The following DOK6 variants were observed in gnomAD, a reference collection of about 807,000 sequenced individuals.
DOK6 encodes the protein docking protein 6, also known as downstream of tyrosine kinase 6.
Under a neutral mutation model 44.0 loss-of-function variants are expected in DOK6, and 22 were observed. The observed-to-expected ratio is 0.50, with a 90% CI of 0.36 to 0.71. The LOEUF (loss-of-function observed/expected upper bound fraction) is 0.71, where lower values mean the gene tolerates loss of function less well. Among genes scored for constraint, DOK6 ranks in the 30% least tolerant of loss-of-function variants. The pLI, the probability that DOK6 is intolerant of heterozygous loss-of-function variation, is 0.00. For synonymous variants in DOK6, 166 were observed against 145.5 expected (o/e 1.14, Z -1.01); for missense variants, 340 against 416.4 (o/e 0.82, Z 1.60).
intron 1 of DOK6, chr18:69,483,849 G>A (rs1980499758): frequency 6.6e-6 from 1 of 152,050 alleles, no homozygotes; most frequent in Admixed American, 6.6e-5. Flanking sequence ...TTCTCATACT[G>A]GTTGTGGCAT....
chr18:69,495,678 G>A (rs1980863756), intron 1 of DOK6, among the ~76,000 whole-genome samples: 1 of 152,230 alleles, frequency 6.6e-6, no homozygotes, highest in Admixed American at 6.5e-5. Context: ...CAGCCTGAAA[G>A]TAGGCTTGGA....
At chr18:69,707,636 G>C (rs1360595924) in intron 5 of DOK6, among the ~76,000 whole-genome samples, 1 of 152,126 alleles carries the variant, frequency 6.6e-6, no homozygotes, top group Admixed American at 6.5e-5. Flanking sequence ...ACTCATGCTA[G>C]TCCACTCTGA....
At chr18:69,404,728 C>T (rs1161975917) in intron 1 of DOK6, among the ~76,000 whole-genome samples, 1 of 151,994 alleles carries the variant, frequency 6.6e-6, no homozygotes, top group African/African-American at 2.4e-5. Flanking sequence ...TACTCAAACT[C>T]AGGTGAGAGA....
At chr18:69,605,362 C>T (rs1983971390) in intron 3 of DOK6, among the ~76,000 whole-genome samples, 1 of 152,210 alleles carries the variant, frequency 6.6e-6, no homozygotes. Context: ...GTACTTTGAA[C>T]CTCAGCACAT....
chr18:69,834,601 T>C (rs1760279313), intron 7 of DOK6, among the ~76,000 whole-genome samples: 1 of 152,206 alleles, frequency 6.6e-6, no homozygotes, highest in Non-Finnish European at 1.5e-5. Context: ...ACTTGATCAT[T>C]ACACATTCTA....
chr18:69,793,510 T>C (rs1456686137), intron 7 of DOK6, among the ~76,000 whole-genome samples: 1 of 152,182 alleles, frequency 6.6e-6, no homozygotes, highest in Non-Finnish European at 1.5e-5. Context: ...TTTACATGTG[T>C]AATTATGGTT....
chr18:69,477,707 G>T (rs1239775486), intron 1 of DOK6, among the ~76,000 whole-genome samples: 1 of 152,110 alleles, frequency 6.6e-6, no homozygotes, highest in African/African-American at 2.4e-5. Context: ...AAATGTCAAA[G>T]AAAAATTTTT....
At chr18:69,721,520 A>C (rs1224426474) in intron 5 of DOK6, 1 of 152,254 alleles carries the variant, frequency 6.6e-6, no homozygotes, top group Non-Finnish European at 1.5e-5. Context: ...AAACAAAATT[A>C]TAAGTTTAAT....
At chr18:69,792,036 G>T (rs1181930711) in intron 7 of DOK6, among the ~76,000 whole-genome samples, 1 of 151,878 alleles carries the variant, frequency 6.6e-6, no homozygotes, top group Non-Finnish European at 1.5e-5. Flanking sequence ...TGTTCCTGGT[G>T]ACTTTGTCAA....
At chr18:69,820,306 C>G (rs1323901792) in intron 7 of DOK6, among the ~76,000 whole-genome samples, 4 of 152,136 alleles carry the variant, frequency 2.6e-5, no homozygotes, top group African/African-American at 9.7e-5. Context: ...GCATTTTCTG[C>G]TACATAGATT....
intron 4 of DOK6, among the ~76,000 whole-genome samples, chr18:69,683,133 G>A (rs1271666128): frequency 6.6e-6 from 1 of 151,756 alleles, no homozygotes; most frequent in East Asian, 1.9e-4. Context: ...TTTTATCTAT[G>A]GGATGACCCT....
Position 69,512,063 on chromosome 18 carries a change from G to A in DOK6, c.67-52424G>A, listed in dbSNP as rs201284546. 1.6e-3 allele frequency among the ~76,000 whole-genome samples: 249 copies of A among 151,712 alleles called. 1 individual carries two copies. Among genetic ancestry groups the A allele is most frequent in the African/African-American group, 5.7e-3 (235 of 41,346 alleles). On this transcript the variant is annotated intron_variant, in intron 1 of 7. Transcript: ENST00000382713. ...TAGTGGATTTCAGTTGTTTTTTCCT[G>A]TTCATCATCGCCCCATCCCCCCACA...
chr18:69,712,439 T>TG (rs1180169625), intron 5 of DOK6, among the ~76,000 whole-genome samples: 3 of 151,344 alleles, frequency 2.0e-5, no homozygotes, highest in African/African-American at 7.3e-5. Flanking sequence ...AATTTACAAC[T>TG]CAGAATAAAA....
chr18:69,596,526 T>A (rs1315309726), intron 2 of DOK6, among the ~76,000 whole-genome samples: 1 of 152,044 alleles, frequency 6.6e-6, no homozygotes, highest in Non-Finnish European at 1.5e-5. Context: ...CCCAATAAGA[T>A]TAACATCTGA....
intron 3 of DOK6, among the ~76,000 whole-genome samples, chr18:69,645,455 G>A (rs1015743649): frequency 3.3e-5 from 5 of 152,104 alleles, no homozygotes; most frequent in African/African-American, 1.2e-4. Context: ...ACATAAATAA[G>A]ATGACAAAGT....
chr18:69,478,470 A>G (rs888143046), intron 1 of DOK6, among the ~76,000 whole-genome samples: 1 of 151,954 alleles, frequency 6.6e-6, no homozygotes, highest in Non-Finnish European at 1.5e-5. Flanking sequence ...CTTTAAACTT[A>G]CTGTTTTATT....
At chr18:69,819,249 G>A (rs1214132020) in intron 7 of DOK6, among the ~76,000 whole-genome samples, 1 of 152,050 alleles carries the variant, frequency 6.6e-6, no homozygotes, top group Non-Finnish European at 1.5e-5. Context: ...CTTTTAGCAT[G>A]TATTTCTCTC....
chr18:69,752,251 T>C (rs1371559345), intron 6 of DOK6, among the ~76,000 whole-genome samples: 2 of 152,078 alleles, frequency 1.3e-5, no homozygotes, highest in Non-Finnish European at 2.9e-5. Flanking sequence ...TAAAAATGTA[T>C]TTTTTTAAAA....
intron 1 of DOK6, among the ~76,000 whole-genome samples, chr18:69,501,257 C>T (rs937406190): frequency 7.2e-5 from 11 of 151,966 alleles, no homozygotes; most frequent in Admixed American, 2.6e-4. Context: ...ATACTGAGTT[C>T]GTGCTAACTT....
Sources: allele counts gnomAD v4.1 joint callset (sites outside exome capture counted in the v4.1 genomes callset), GRCh38; gene constraint gnomAD v4.1.1; transcripts MANE v1.5; gene names NCBI Gene and HGNC (gene_info 2026-07-23, HGNC 2026-07-21).